The following VPS8 variants were observed in gnomAD, a reference collection of about 807,000 sequenced individuals.
The protein encoded by VPS8 is vacuolar protein sorting-associated protein 8 homolog.
Under a neutral mutation model 216.4 loss-of-function variants are expected in VPS8, and 129 were observed. The observed-to-expected ratio is 0.60, with a 90% CI of 0.52 to 0.69. The LOEUF is 0.69. Among genes scored for constraint, VPS8 ranks in the 30% least tolerant of loss-of-function variants. VPS8 has a pLI of 0.00. For synonymous variants in VPS8, 571 were observed against 565.4 expected, an observed-to-expected ratio of 1.01 and a Z score of -0.14; for missense variants, 1,531 against 1,683.5, an observed-to-expected ratio of 0.91 and a Z score of 1.59.
chr3:184,960,679 C>T (rs1251038251), intron 37 of VPS8, among the ~76,000 whole-genome samples: 1 of 152,096 alleles, frequency 6.6e-6, no homozygotes, highest in African/African-American at 2.4e-5. Context: ...TCTGCAACAT[C>T]CCAATATTAG....
At chr3:185,027,231 T>A (rs1344312370) in intron 46 of VPS8, among the ~76,000 whole-genome samples, 2 of 149,386 alleles carry the variant, frequency 1.3e-5, no homozygotes, top group African/African-American at 4.9e-5. Context: ...GCAGTTTTTA[T>A]GTTCTTTTTT....
intron 3 of VPS8, among the ~76,000 whole-genome samples, chr3:184,829,048 G>A (rs547335510): frequency 3.5e-4 from 53 of 152,260 alleles, no homozygotes; most frequent in African/African-American, 1.3e-3. Flanking sequence ...TGTTCACATT[G>A]CTGTGTAAAA....
chr3:184,922,374 A>C, intron 29 of VPS8: 1 of 449,654 alleles, frequency 2.2e-6, no homozygotes, highest in South Asian at 1.6e-5. Flanking sequence ...GAAGGTAGAG[A>C]CTGTGAGGAT....
intron 39 of VPS8, among the ~76,000 whole-genome samples, chr3:184,969,902 T>C (rs1160265576): frequency 9.4e-6 from 1 of 105,948 alleles, no homozygotes; most frequent in Non-Finnish European, 1.9e-5. Flanking sequence ...ACTTTCTTAC[T>C]TTTTTTTTTT....
At chr3:184,832,878 T>C (rs1360696602) in intron 4 of VPS8, 59 bp downstream of exon 4, 2 of 1,548,460 alleles carry the variant, frequency 1.3e-6, no homozygotes, top group Non-Finnish European at 1.8e-6. Flanking sequence ...GTTTCAAATG[T>C]AAATATTGTA....
chr3:184,932,367 C>A (rs530948014), intron 34 of VPS8, among the ~76,000 whole-genome samples: 1 of 152,064 alleles, frequency 6.6e-6, no homozygotes, highest in South Asian at 2.1e-4. Context: ...TCTTAGATGA[C>A]CAATCTCTGG....
chr3:184,836,163 T>A, intron 5 of VPS8: 1 of 427,172 alleles, frequency 2.3e-6, no homozygotes. Flanking sequence ...TATCCTGACC[T>A]AGCTCATATA....
intron 40 of VPS8, among the ~76,000 whole-genome samples, chr3:184,980,036 C>T (rs1055755581): frequency 1.8e-4 from 28 of 152,126 alleles, no homozygotes; most frequent in Non-Finnish European, 3.1e-4. Context: ...GATTTTATTT[C>T]TCCTTTGCTT....
rs373251263 is a variant in VPS8 at position 185,014,346 on chromosome 3, C to T, written c.4003-9990C>T. Among the ~76,000 whole-genome samples the T allele has an allele frequency of 3.8e-3, 575 of 152,186 alleles. 3 individuals carry two copies. Among genetic ancestry groups the T allele is most frequent in the African/African-American group, 0.013 (551 of 41,500 alleles). ...TTGGGGTCCTCCTCAGCATCAGTCT[C>T]GACATGGCTGCAACCAGGGGGTCCT... On this transcript the variant is annotated intron_variant, in intron 45 of 47. Coordinates refer to ENST00000625842, the MANE Select transcript of VPS8 (RefSeq NM_001009921.3).
chr3:184,925,240 T>C (rs1471879250), intron 30 of VPS8, among the ~76,000 whole-genome samples: 3 of 152,166 alleles, frequency 2.0e-5, no homozygotes, highest in Non-Finnish European at 2.9e-5. Flanking sequence ...GCTCAAGAGT[T>C]TCCCAATTTA....
chr3:184,830,896 T>G (rs1002729172), intron 3 of VPS8, among the ~76,000 whole-genome samples: 19 of 152,196 alleles, frequency 1.2e-4, no homozygotes, highest in African/African-American at 4.6e-4. Context: ...AATTTGGACC[T>G]AAACCTTGAG....
intron 10 of VPS8, among the ~76,000 whole-genome samples, chr3:184,851,699 T>C (rs1724305668): frequency 6.6e-6 from 1 of 152,090 alleles, no homozygotes; most frequent in South Asian, 2.1e-4. Flanking sequence ...TATGCGTGTG[T>C]TTGGGTCAAG....
At chr3:184,849,229 A>G (rs201834696) in intron 9 of VPS8, 34 bp downstream of exon 9, 10 of 1,590,736 alleles carry the variant, frequency 6.3e-6, no homozygotes, top group African/African-American at 2.7e-5. Flanking sequence ...TCATAAGACA[A>G]TGTTAAAACA....
chr3:184,919,773 T>C (rs578123333), intron 28 of VPS8, among the ~76,000 whole-genome samples: 11 of 152,352 alleles, frequency 7.2e-5, no homozygotes, highest in Middle Eastern at 3.4e-3. Flanking sequence ...GAATGATGGC[T>C]GAACATGTAG....
At chr3:184,999,670 A>G (rs1429644816) in intron 44 of VPS8, 26 bp from the exon 45 acceptor site, 1 of 1,585,310 alleles carries the variant, frequency 6.3e-7, no homozygotes, top group Non-Finnish European at 8.6e-7. Context: ...AATAAAAAGT[A>G]CAAATTGGTT....
At chr3:184,887,936 G>A (rs1011839766) in intron 22 of VPS8, among the ~76,000 whole-genome samples, 17 of 151,578 alleles carry the variant, frequency 1.1e-4, no homozygotes, top group African/African-American at 3.2e-4. Flanking sequence ...CTAGTGTTAC[G>A]TAATTAGCAA....
At chr3:184,985,668 G>A (rs1224660069) in intron 42 of VPS8, among the ~76,000 whole-genome samples, 1 of 152,160 alleles carries the variant, frequency 6.6e-6, no homozygotes, top group Admixed American at 6.5e-5. Context: ...GTGAGCAAAT[G>A]GCCTAAACAA....
chr3:184,826,307 A>G (rs973975497), intron 3 of VPS8, 76 bp downstream of exon 3: 5 of 1,103,198 alleles, frequency 4.5e-6, no homozygotes, highest in Non-Finnish European at 6.6e-6. Context: ...GTTATCATAC[A>G]TGCACCTAGA....
chr3:184,814,972 C>T (rs1327084512), intron 1 of VPS8, among the ~76,000 whole-genome samples: 1 of 152,086 alleles, frequency 6.6e-6, no homozygotes, highest in African/African-American at 2.4e-5. Flanking sequence ...TATCCTTATT[C>T]TGTTAGCTTT....
Sources: gnomAD v4.1 joint callset for allele counts (sites outside exome capture counted in the v4.1 genomes callset) on GRCh38, gnomAD v4.1.1 for gene constraint, MANE v1.5 for transcripts, NCBI Gene and HGNC (gene_info 2026-07-23, HGNC 2026-07-21) for gene names.